PCDH15: variants seen among roughly 807,000 people sequenced by gnomAD.
PCDH15 encodes protocadherin-15.
PCDH15 carries 129 observed loss-of-function variants against 178.5 expected under a neutral mutation model. The observed-to-expected ratio is 0.72, with a 90% CI of 0.63 to 0.84. PCDH15 has a LOEUF of 0.84. Among genes scored for constraint, PCDH15 ranks in the 40% least tolerant of loss-of-function variants. PCDH15 has a pLI of 0.00. For synonymous variants in PCDH15, 800 were observed against 732.0 expected, an observed-to-expected ratio of 1.09 and a Z score of -1.50; for missense variants, 2,230 against 2,099.9, an observed-to-expected ratio of 1.06 and a Z score of -1.21.
chr10:54,552,099 T>C (rs1376902863), intron 2 of PCDH15, among the ~76,000 whole-genome samples: 1 of 152,140 alleles, frequency 6.6e-6, no homozygotes, highest in African/African-American at 2.4e-5. Context: ...TCTCTCCATG[T>C]TCCCTGCTAT....
chr10:54,845,794 T>C (rs1439118742), intron 3 of PCDH15, among the ~76,000 whole-genome samples: 3 of 152,192 alleles, frequency 2.0e-5, no homozygotes, highest in African/African-American at 7.2e-5. Context: ...AATGTAAAGA[T>C]GTTCACTGTC....
intron 1 of PCDH15, among the ~76,000 whole-genome samples, chr10:55,210,618 CTTTTTTTTT>C (rs11412877): frequency 3.5e-4 from 14 of 40,340 alleles, no homozygotes; most frequent in African/African-American, 6.8e-4. Flanking sequence ...TTTTTCTTTT[CTTTTTTTTT>C]TTTTTTTTTT....
At chr10:54,698,506 G>A (rs1035693432) in intron 1 of PCDH15, among the ~76,000 whole-genome samples, 8 of 152,218 alleles carry the variant, frequency 5.3e-5, no homozygotes, top group Middle Eastern at 3.4e-3. Context: ...ATCAGCCAGG[G>A]GAAATGGAAT....
At chr10:55,270,078 C>T (rs1396177337) in intron 1 of PCDH15, among the ~76,000 whole-genome samples, 1 of 152,122 alleles carries the variant, frequency 6.6e-6, no homozygotes, top group Non-Finnish European at 1.5e-5. Flanking sequence ...ACTGGCTAGC[C>T]ATATGCACAA....
intron 2 of PCDH15, among the ~76,000 whole-genome samples, chr10:55,447,488 A>G (rs1839343218): frequency 6.6e-6 from 1 of 152,066 alleles, no homozygotes; most frequent in East Asian, 1.9e-4. Flanking sequence ...TGTTTAGACT[A>G]TGCTGACATG....
intron 2 of PCDH15, among the ~76,000 whole-genome samples, chr10:54,640,788 A>C (rs369972306): frequency 1.3e-4 from 20 of 152,248 alleles, no homozygotes; most frequent in African/African-American, 4.8e-4. Context: ...ATGCCTTTTT[A>C]AGAGTCTTAG....
chr10:53,981,436 A>AACCAAAACAGCATGGTACTGGT (rs2090628427), intron 21 of PCDH15, among the ~76,000 whole-genome samples: 1 of 152,218 alleles, frequency 6.6e-6, no homozygotes, highest in Non-Finnish European at 1.5e-5. Context: ...AGGCTACAGT[A>AACCAAAACAGCATGGTACTGGT]ACCAAAACAG....
chr10:55,157,037 C>T (rs1406543937), intron 2 of PCDH15, among the ~76,000 whole-genome samples: 1 of 152,100 alleles, frequency 6.6e-6, no homozygotes, highest in East Asian at 1.9e-4. Flanking sequence ...AATGAATATG[C>T]TGTATTCTGT....
chr10:54,673,076 TA>T (rs1013703564), intron 1 of PCDH15, among the ~76,000 whole-genome samples: 61 of 150,868 alleles, frequency 4.0e-4, no homozygotes, highest in African/African-American at 7.5e-4. Context: ...GCATGTCATT[TA>T]AAAAAAAAAT....
intron 21 of PCDH15, among the ~76,000 whole-genome samples, chr10:53,964,256 C>G (rs1458099241): frequency 1.3e-5 from 2 of 151,836 alleles, no homozygotes; most frequent in Non-Finnish European, 2.9e-5. Context: ...CTGTTTGTCT[C>G]CCACATAAGA....
chr10:54,357,798 A>G (rs931053956), intron 5 of PCDH15, among the ~76,000 whole-genome samples: 1 of 152,144 alleles, frequency 6.6e-6, no homozygotes, highest in African/African-American at 2.4e-5. Context: ...ACAGCATGGT[A>G]CTGGTACCAA....
chr10:53,855,873 G>A (rs542782581), intron 28 of PCDH15, among the ~76,000 whole-genome samples: 24 of 116,638 alleles, frequency 2.1e-4, no homozygotes, highest in African/African-American at 8.0e-4. Flanking sequence ...CATGTATCCC[G>A]GAACTTAAAA....
intron 1 of PCDH15, among the ~76,000 whole-genome samples, chr10:55,226,397 C>A (rs1841042964): frequency 6.6e-6 from 1 of 151,466 alleles, no homozygotes; most frequent in African/African-American, 2.4e-5. Flanking sequence ...TGAGACCGAG[C>A]CTCACCCTGG....
chr10:54,470,822 T>A (rs1199731427), intron 3 of PCDH15, among the ~76,000 whole-genome samples: 1 of 152,184 alleles, frequency 6.6e-6, no homozygotes, highest in African/African-American at 2.4e-5. Context: ...GCATTTTTTC[T>A]TAGGTGATCT....
intron 2 of PCDH15, among the ~76,000 whole-genome samples, chr10:55,558,040 G>T (rs922216823): frequency 2.2e-4 from 34 of 152,026 alleles, no homozygotes; most frequent in African/African-American, 8.2e-4. Flanking sequence ...TAGATAAAAT[G>T]ACTATGCCAA....
chr10:55,069,506 C>A (rs1328725898), intron 2 of PCDH15, among the ~76,000 whole-genome samples: 38 of 136,576 alleles, frequency 2.8e-4, no homozygotes, highest in Non-Finnish European at 4.6e-4. Context: ...CAATTCCCAC[C>A]TATGAGTGAG....
At chr10:55,584,189 A>G (rs1842679206) in intron 2 of PCDH15, among the ~76,000 whole-genome samples, 1 of 152,120 alleles carries the variant, frequency 6.6e-6, no homozygotes, top group South Asian at 2.1e-4. Flanking sequence ...TTTTTTCTAA[A>G]AATAAATACT....
chr10:53,923,852 ATTC>A (rs2084221348), intron 25 of PCDH15, among the ~76,000 whole-genome samples: 1 of 152,220 alleles, frequency 6.6e-6, no homozygotes, highest in Admixed American at 6.5e-5. Context: ...TTAAATGGCT[ATTC>A]TTTTCCTCTC....
At chr10:54,406,619 A>C (rs1247759502) in intron 3 of PCDH15, among the ~76,000 whole-genome samples, 1 of 152,152 alleles carries the variant, frequency 6.6e-6, no homozygotes, top group East Asian at 1.9e-4. Context: ...ACAGAACCGC[A>C]GTAGCCTTTC....
Sources: allele counts gnomAD v4.1 joint callset (sites outside exome capture counted in the v4.1 genomes callset), GRCh38; gene constraint gnomAD v4.1.1; transcripts MANE v1.5; gene names NCBI Gene and HGNC (gene_info 2026-07-23, HGNC 2026-07-21).